SAMD12: variants seen among roughly 807,000 people sequenced by gnomAD.
SAMD12 encodes sterile alpha motif domain-containing protein 12.
Under a neutral mutation model 15.0 loss-of-function variants are expected in SAMD12, and 9 were observed. The observed-to-expected ratio is 0.60, with a 90% confidence interval of 0.36 to 1.05. SAMD12 has a LOEUF of 1.05. SAMD12 is among the 50% of genes least tolerant of loss of function. The pLI is 0.01. For synonymous variants in SAMD12, 86 were observed against 90.1 expected, an observed-to-expected ratio of 0.96 and a Z score of 0.25; for missense variants, 230 against 234.2, an observed-to-expected ratio of 0.98 and a Z score of 0.12.
At chr8:118,284,173 C>A (rs1037425212) in intron 4 of SAMD12, 3 of 419,460 alleles carry the variant, frequency 7.2e-6, no homozygotes, top group Non-Finnish European at 1.4e-5. Flanking sequence ...CCGATGGCCA[C>A]TTTTTGCCCA....
chr8:118,378,451 A>G lies in SAMD12; in HGVS notation c.*966T>C. On this transcript the variant is annotated 3_prime_UTR_variant, in exon 4 of 4. Transcript: ENST00000314727. ...TCTGAGGACAAAATGCAAATAATGC[A>G]TATGAGACAAACAATACTATTTTAC... The G allele has an allele frequency of 1.0e-6, 1 of 982,762 alleles. No individual in the cohort carries two copies. Among genetic ancestry groups the G allele is most frequent in the Non-Finnish European group, 1.2e-6 (1 of 827,546 alleles). 60.9% of individuals were successfully genotyped at this position (982,762 alleles called of 1,614,324 possible). A position where few individuals can be genotyped will look rare whatever the true frequency, so the allele number is the denominator to read the frequency against.
At chr8:118,367,166 C>G (rs1818846024) in intron 4 of SAMD12, among the ~76,000 whole-genome samples, 1 of 151,826 alleles carries the variant, frequency 6.6e-6, no homozygotes, top group Non-Finnish European at 1.5e-5. Flanking sequence ...AATTGGTGGT[C>G]CCCCCAAAAA....
the SAMD12 span, among the ~76,000 whole-genome samples, chr8:118,152,450 C>CCTT: frequency 3.8e-5 from 4 of 106,384 alleles, no homozygotes; most frequent in African/African-American, 1.5e-4. Flanking sequence ...CTTCCTCCCT[C>CCTT]CCTCCCTACC....
At chr8:118,137,233 A>G in the SAMD12 span, among the ~76,000 whole-genome samples, 2 of 152,340 alleles carry the variant, frequency 1.3e-5, no homozygotes, top group South Asian at 4.1e-4. Context: ...GAAAGCAACC[A>G]ATAAGAGGCT....
chr8:118,610,431 G>A (rs1164848366), intron 1 of SAMD12, among the ~76,000 whole-genome samples: 5 of 152,120 alleles, frequency 3.3e-5, no homozygotes, highest in Admixed American at 6.5e-5. Flanking sequence ...TCTGGCATAC[G>A]GCAGACATCG....
intron 4 of SAMD12, among the ~76,000 whole-genome samples, chr8:118,205,808 T>C (rs904204427): frequency 1.8e-4 from 28 of 152,330 alleles, no homozygotes; most frequent in African/African-American, 6.0e-4. Context: ...TGGGGAGTTT[T>C]GAAGGGTTCT....
At chr8:118,498,618 G>C (rs1824694312) in intron 2 of SAMD12, among the ~76,000 whole-genome samples, 1 of 152,116 alleles carries the variant, frequency 6.6e-6, no homozygotes, top group South Asian at 2.1e-4. Context: ...TCCTGGAAAA[G>C]GTCAGTGTTC....
intron 4 of SAMD12, among the ~76,000 whole-genome samples, chr8:118,336,206 G>A (rs2130523093): frequency 6.6e-6 from 1 of 152,250 alleles, no homozygotes; most frequent in East Asian, 1.9e-4. Flanking sequence ...ACAATACCAG[G>A]AGTTTCCTTC....
chr8:118,151,136 A>G, the SAMD12 span, among the ~76,000 whole-genome samples: 20 of 152,244 alleles, frequency 1.3e-4, no homozygotes, highest in East Asian at 2.1e-3. Flanking sequence ...TTCTAATGAG[A>G]AATCTGTTAT....
At position 118,309,444 on chromosome 8, in the gene SAMD12, T is replaced by C. The variant is rs149608671; in HGVS notation, c.433+70116A>G. ...CACATTTTATTTATCCACTTGTTGA[T>C]TGACGGGCATTTGGGCCAGTTCCAT... is the stretch of plus-strand genomic sequence containing the variant. On this transcript the variant is annotated intron_variant, in intron 4 of 4. Transcript: ENST00000409003. Among the ~76,000 whole-genome samples the C allele has an allele frequency of 5.4e-3, 826 of 151,982 alleles. 25 individuals are homozygous for C. The highest frequency in any genetic ancestry group is 0.05 in the East Asian group (257 of 5,170).
intron 4 of SAMD12, among the ~76,000 whole-genome samples, chr8:118,329,249 A>G (rs1488251681): frequency 6.6e-6 from 1 of 152,188 alleles, no homozygotes; most frequent in Non-Finnish European, 1.5e-5. Context: ...AGTGGCCCAC[A>G]GAAGGAACAG....
At chr8:118,244,607 A>G (rs1301159010) in intron 4 of SAMD12, among the ~76,000 whole-genome samples, 2 of 152,136 alleles carry the variant, frequency 1.3e-5, no homozygotes, top group African/African-American at 4.8e-5. Context: ...TGTTGTTAAT[A>G]ATGATTATCG....
intron 2 of SAMD12, among the ~76,000 whole-genome samples, chr8:118,481,457 G>C (rs1246595243): frequency 6.6e-6 from 1 of 152,178 alleles, no homozygotes; most frequent in Non-Finnish European, 1.5e-5. Context: ...AGAAGGAAAA[G>C]AGGGAGGAAG....
chr8:118,137,143 C>T, the SAMD12 span, among the ~76,000 whole-genome samples: 1 of 152,194 alleles, frequency 6.6e-6, no homozygotes, highest in African/African-American at 2.4e-5. Flanking sequence ...CCAAACACCC[C>T]CTAGTGGTTT....
intron 4 of SAMD12, among the ~76,000 whole-genome samples, chr8:118,367,872 C>A (rs1041589849): frequency 2.0e-5 from 3 of 152,130 alleles, no homozygotes; most frequent in African/African-American, 7.2e-5. Context: ...CTACCATGAA[C>A]AATGTAACAG....
At chr8:118,420,852 T>C (rs1242320719) in intron 3 of SAMD12, among the ~76,000 whole-genome samples, 2 of 152,188 alleles carry the variant, frequency 1.3e-5, no homozygotes, top group Non-Finnish European at 2.9e-5. Flanking sequence ...GAGATTAGAA[T>C]AGGGGTTGGC....
downstream of SAMD12, among the ~76,000 whole-genome samples, chr8:118,186,846 G>C (rs1819251165): frequency 6.6e-6 from 1 of 152,110 alleles, no homozygotes; most frequent in African/African-American, 2.4e-5. Flanking sequence ...AAAACGGAAG[G>C]AAGCAGCTGC....
At chr8:118,434,822 C>CCCCTTAGCTACGGTTTCACTTTGTGCA (rs1300461423) in intron 3 of SAMD12, among the ~76,000 whole-genome samples, 1 of 25,556 alleles carries the variant, frequency 3.9e-5, no homozygotes, top group African/African-American at 8.3e-5. Flanking sequence ...TGCTTCTGGC[C>CCCCTTAGCTACGGTTTCACTTTGTGCA]GGGCGCGGTG....
intron 4 of SAMD12, among the ~76,000 whole-genome samples, chr8:118,225,849 G>A (rs745756356): frequency 6.6e-6 from 1 of 152,176 alleles, no homozygotes; most frequent in Non-Finnish European, 1.5e-5. Context: ...TCCAAGGACA[G>A]ATAATGAGAT....
Sources: gnomAD v4.1 joint callset for allele counts (sites outside exome capture counted in the v4.1 genomes callset) on GRCh38, gnomAD v4.1.1 for gene constraint, MANE v1.5 for transcripts, NCBI Gene and HGNC (gene_info 2026-07-23, HGNC 2026-07-21) for gene names.